Variants in WASHC2C observed in about 807,000 individuals in gnomAD.
The protein encoded by WASHC2C is WASH complex subunit 2C.
In WASHC2C, 73 loss-of-function variants were observed where a neutral mutation model predicts 142.2. That is an observed-to-expected ratio of 0.51 (90% CI 0.43 to 0.62). The LOEUF is 0.62. Among genes scored for constraint, WASHC2C ranks in the 20% least tolerant of loss-of-function variants. WASHC2C has a pLI of 0.00. For missense variants in WASHC2C, 969 were observed against 1,531.7 expected, an observed-to-expected ratio of 0.63 and a Z score of 6.13; for synonymous variants, 337 against 565.5, an observed-to-expected ratio of 0.60 and a Z score of 5.73.
At position 45,730,764 on chromosome 10, in the gene WASHC2C, C is replaced by T. The variant is rs1377546572; in HGVS notation, c.291+1738C>T. ...CCTTCCAAGTAGCTGGGACTACAGG[C>T]GCGTGCCACCACGCCTGGCTAATTT... is the stretch of plus-strand genomic sequence containing the variant. On this transcript the variant is annotated intron_variant, in intron 3 of 30. Coordinates refer to ENST00000623400, the MANE Select transcript of WASHC2C (RefSeq NM_001330074.2). Among the ~76,000 whole-genome samples the T allele has an allele frequency of 6.6e-5, 10 of 152,000 alleles. No homozygotes were observed. In the East Asian group the frequency reaches 7.8e-4, roughly 12 times the overall value.
chr10:45,789,821 AC>A (rs2058290792), intron 29 of WASHC2C, among the ~76,000 whole-genome samples: 1 of 147,078 alleles, frequency 6.8e-6, no homozygotes, highest in Admixed American at 6.6e-5. Context: ...ATACAGCTCC[AC>A]TGGTCCAGCT....
At chr10:45,763,753 C>T (rs2055423064) in intron 18 of WASHC2C, among the ~76,000 whole-genome samples, 1 of 151,558 alleles carries the variant, frequency 6.6e-6, no homozygotes, top group Non-Finnish European at 1.5e-5. Flanking sequence ...TCTCTGTCAC[C>T]CAGGCTGGAG....
At chr10:45,788,728 A>T (rs2058224872) in intron 28 of WASHC2C, 143 bp from the exon 29 acceptor site, 1 of 1,325,540 alleles carries the variant, frequency 7.5e-7, no homozygotes, top group Non-Finnish European at 1.0e-6. Context: ...TTAAGAAATA[A>T]CCTCTTCTAT....
chr10:45,759,536 G>A (rs1400175033), intron 17 of WASHC2C, 135 bp downstream of exon 17: 1 of 1,474,516 alleles, frequency 6.8e-7, no homozygotes, highest in South Asian at 1.3e-5. Context: ...ATTATCTCTA[G>A]AGGCAAGGAG....
chr10:45,732,876 TAGAG>T (rs2050762390), intron 3 of WASHC2C, among the ~76,000 whole-genome samples: 1 of 152,310 alleles, frequency 6.6e-6, no homozygotes, highest in Non-Finnish European at 1.5e-5. Context: ...ACTCAGCAAT[TAGAG>T]AGAAGGAGGT....
Position 45,792,610 on chromosome 10 carries a change from G to C in WASHC2C, c.*210G>C. ...ATAAATATTTCACAGTGGTTGGTTT[G>C]TTTTGTTTTTAAACCACAGTTTGAT... is the stretch of plus-strand genomic sequence containing the variant. On this transcript the variant is annotated 3_prime_UTR_variant, in exon 31 of 31. Transcript: ENST00000623400. The C allele has an allele frequency of 1.6e-6, 1 of 610,722 alleles. No homozygotes were observed. Among genetic ancestry groups the C allele is most frequent in the Admixed American group, 3.1e-5 (1 of 32,058 alleles). 37.8% of individuals were successfully genotyped at this position (610,722 alleles called of 1,614,324 possible).
intron 18 of WASHC2C, 150 bp from the exon 19 acceptor site, chr10:45,765,529 G>A: frequency 1.0e-6 from 1 of 984,232 alleles, no homozygotes; most frequent in Admixed American, 2.4e-5. Flanking sequence ...CTGTAGTTTG[G>A]GATTTACTAG....
chr10:45,762,365 A>T (rs533281197), intron 17 of WASHC2C, among the ~76,000 whole-genome samples: 75 of 151,932 alleles, frequency 4.9e-4, no homozygotes, highest in Admixed American at 2.9e-3. Flanking sequence ...GGCACCCACC[A>T]CCACACCTGG....
chr10:45,792,890 A>G lies in WASHC2C; in HGVS notation c.*490A>G. 1 of 469,740 alleles carries G rather than the reference A, an allele frequency of 2.1e-6. No homozygotes were observed. The highest frequency in any genetic ancestry group is 1.6e-5 in the South Asian group (1 of 64,488). 29.1% of individuals were successfully genotyped at this position (469,740 alleles called of 1,614,324 possible). Reference sequence around the variant, plus strand: ...CTGAGGGTGCCTCTGCATGTCCTCCAAGGCAAAGTTTGGCAAACTGTGGCC... The same window carrying G: ...CTGAGGGTGCCTCTGCATGTCCTCCGAGGCAAAGTTTGGCAAACTGTGGCC... On this transcript the variant is annotated 3_prime_UTR_variant, in exon 31 of 31. Coordinates refer to ENST00000623400, the MANE Select transcript of WASHC2C (RefSeq NM_001330074.2).
At chr10:45,790,860 C>T (rs1258956442) in intron 30 of WASHC2C, among the ~76,000 whole-genome samples, 4 of 152,152 alleles carry the variant, frequency 2.6e-5, no homozygotes, top group Admixed American at 6.6e-5. Flanking sequence ...AATGACCTCA[C>T]GTGCTAAAGT....
chr10:45,786,436 A>G, intron 26 of WASHC2C, 176 bp from the exon 27 acceptor site: 1 of 804,798 alleles, frequency 1.2e-6, no homozygotes, highest in Non-Finnish European at 2.1e-6. Flanking sequence ...AGGAGGAGGC[A>G]TACGTGAAGT....
chr10:45,763,688 A>G lies in WASHC2C; in HGVS notation c.1737+199A>G, dbSNP rs555084665. ...TATTTTCCTAGCTGTGCAATGGAGA[A>G]GACATTAGATTCTTGACGCAGTTCT... On this transcript the variant is annotated intron_variant, in intron 18 of 30. Transcript: ENST00000623400. Among the ~76,000 whole-genome samples the G allele has an allele frequency of 7.2e-5, 11 of 151,734 alleles. No individual in the cohort carries two copies. The South Asian group carries it at 2.1e-3, about 29-fold the overall frequency.
At chr10:45,754,220 C>T (rs1272900217) in intron 13 of WASHC2C, among the ~76,000 whole-genome samples, 1 of 152,228 alleles carries the variant, frequency 6.6e-6, no homozygotes, top group Non-Finnish European at 1.5e-5. Flanking sequence ...CTTGGTGTCC[C>T]CCAGCTGACC....
Position 45,757,097 on chromosome 10 carries a change from T to G in WASHC2C, c.1506T>G (p.Thr502=), listed in dbSNP as rs781826190. 3.9e-4 allele frequency: 629 copies of G among 1,607,966 alleles called. No individual in the cohort carries two copies. The highest frequency in any genetic ancestry group is 4.8e-4 in the Non-Finnish European group (561 of 1,178,538). Residue 502 remains threonine, a synonymous_variant, in exon 16 of 31, where the codon ACT becomes ACG. Transcript: ENST00000623400. ...KEKAVASPEA[T]VSQTDENKAR... is the part of the protein sequence containing the mutation. ...AAGCCGTAGCATCGCCAGAAGCCAC[T>G]GTGAGTCAGACAGATGAAAATAAAG...
chr10:45,749,985 A>G, intron 8 of WASHC2C, 111 bp from the exon 9 acceptor site: 1 of 913,972 alleles, frequency 1.1e-6, no homozygotes, highest in Admixed American at 4.0e-5. Flanking sequence ...CATGTTTATG[A>G]TTATTATTTT....
intron 8 of WASHC2C, among the ~76,000 whole-genome samples, chr10:45,748,941 C>T (rs2134513915): frequency 6.6e-6 from 1 of 152,282 alleles, no homozygotes; most frequent in Non-Finnish European, 1.5e-5. Flanking sequence ...ACATCTGTTT[C>T]CATAGAAATG....
rs1305333868 is a variant in WASHC2C, at chr10:45,784,293, C to CACAT, written c.2479-271_2479-270insCATA. On this transcript the variant is annotated intron_variant, in intron 23 of 30. Transcript: ENST00000623400. ...ATATATATATATATATATATATACA[C>CACAT]ATATATATATATATATATACACACA... 4.7e-3 allele frequency among the ~76,000 whole-genome samples: 297 copies of CACAT among 63,574 alleles called. 9 individuals are homozygous for CACAT. Among genetic ancestry groups the CACAT allele is most frequent in the African/African-American group, 7.5e-3 (147 of 19,520 alleles). The allele number at this position is 63,574 out of a possible 152,430, so 41.7% of individuals were successfully genotyped here. A position where few individuals can be genotyped will look rare whatever the true frequency, so the allele number is the denominator to read the frequency against.
At chr10:45,764,438 T>C (rs1237890635) in intron 18 of WASHC2C, among the ~76,000 whole-genome samples, 6 of 151,818 alleles carry the variant, frequency 4.0e-5, no homozygotes, top group African/African-American at 7.3e-5. Flanking sequence ...AGCTGTACTT[T>C]AGTCTAGAGG....
intron 7 of WASHC2C, 24 bp from the exon 8 acceptor site, chr10:45,746,575 AC>A (rs1271429331): frequency 6.2e-7 from 1 of 1,612,866 alleles, no homozygotes; most frequent in Non-Finnish European, 8.5e-7. Flanking sequence ...CCATTTAACA[AC>A]AAAGCCTTTT....
Sources: gnomAD v4.1 joint callset for allele counts (sites outside exome capture counted in the v4.1 genomes callset) on GRCh38, gnomAD v4.1.1 for gene constraint, MANE v1.5 for transcripts, NCBI Gene and HGNC (gene_info 2026-07-23, HGNC 2026-07-21) for gene names.